The following FHIT variants were observed in gnomAD, a reference collection of about 807,000 sequenced individuals.
FHIT encodes bis(5'-adenosyl)-triphosphatase.
A neutral mutation model predicts 17.9 loss-of-function variants in FHIT; 19 were observed. That is an observed-to-expected ratio of 1.06 (90% CI 0.74 to 1.56). The LOEUF (loss-of-function observed/expected upper bound fraction) is 1.56, where lower values mean the gene tolerates loss of function less well. Among genes scored for constraint, FHIT ranks in the 40% most tolerant of loss-of-function variants. The pLI, the probability that FHIT is intolerant of heterozygous loss-of-function variation, is 0.00. For synonymous variants in FHIT, 81 were observed against 69.7 expected (o/e 1.16, Z -0.81); for missense variants, 248 against 189.2 (o/e 1.31, Z -1.82).
chr3:60,338,877 G>A (rs991971097), intron 5 of FHIT, among the ~76,000 whole-genome samples: 1 of 152,144 alleles, frequency 6.6e-6, no homozygotes, highest in African/African-American at 2.4e-5. Context: ...GGAATGGAAA[G>A]AATCAGATGG....
chr3:61,134,834 C>T (rs1576078786), intron 2 of FHIT, among the ~76,000 whole-genome samples: 1 of 152,190 alleles, frequency 6.6e-6, no homozygotes, highest in Non-Finnish European at 1.5e-5. Context: ...GCCTCCAGAA[C>T]TGTTCACCTG....
At chr3:60,945,236 T>C (rs1404612333) in intron 3 of FHIT, among the ~76,000 whole-genome samples, 1 of 151,606 alleles carries the variant, frequency 6.6e-6, no homozygotes, top group Non-Finnish European at 1.5e-5. Flanking sequence ...AATACAAAGA[T>C]GTTGAGAAGA....
At chr3:59,830,223 A>G (rs1701119182) in intron 8 of FHIT, among the ~76,000 whole-genome samples, 1 of 152,266 alleles carries the variant, frequency 6.6e-6, no homozygotes, top group South Asian at 2.1e-4. Context: ...ATCAGAAGCT[A>G]TAACAGGACA....
At chr3:59,843,642 A>T (rs1039702217) in intron 8 of FHIT, among the ~76,000 whole-genome samples, 5 of 152,116 alleles carry the variant, frequency 3.3e-5, no homozygotes, top group African/African-American at 9.7e-5. Context: ...GCTAATTCCT[A>T]AGTATTTTAT....
chr3:60,293,522 G>T lies in FHIT; in HGVS notation c.103+243338C>A, dbSNP rs372478607. ...ACGTTTTATTCATGTCACTTAATGG[G>T]GAAGGAGGTCAGGTACAGATCTGAA... On this transcript the variant is annotated intron_variant, in intron 5 of 9. Transcript: ENST00000492590. Among the ~76,000 whole-genome samples the T allele has an allele frequency of 6.6e-5, 10 of 152,242 alleles. 1 individual carries two copies. Among genetic ancestry groups the T allele is most frequent in the African/African-American group, 2.2e-4 (9 of 41,558 alleles).
chr3:61,016,023 CT>C (rs2032085942), intron 3 of FHIT, among the ~76,000 whole-genome samples: 2 of 152,208 alleles, frequency 1.3e-5, no homozygotes, highest in African/African-American at 4.8e-5. Flanking sequence ...CTTCACTAGG[CT>C]ACTCTCTTAG....
At chr3:60,600,450 A>G (rs2038407286) in intron 4 of FHIT, among the ~76,000 whole-genome samples, 1 of 152,222 alleles carries the variant, frequency 6.6e-6, no homozygotes, top group East Asian at 1.9e-4. Context: ...ACCCTGCAAG[A>G]AACTAATTTT....
intron 5 of FHIT, among the ~76,000 whole-genome samples, chr3:60,032,327 G>A (rs575825561): frequency 1.7e-4 from 26 of 152,076 alleles, no homozygotes; most frequent in East Asian, 3.9e-4. Context: ...TGGCGTGCAC[G>A]TGTGGTCTCA....
intron 5 of FHIT, among the ~76,000 whole-genome samples, chr3:60,016,175 A>G (rs1344222925): frequency 1.3e-5 from 2 of 152,226 alleles, no homozygotes; most frequent in East Asian, 3.9e-4. Context: ...ATAACCTTTA[A>G]AGAATTAAAG....
chr3:60,854,636 T>C (rs1411389371), intron 3 of FHIT, among the ~76,000 whole-genome samples: 1 of 151,238 alleles, frequency 6.6e-6, no homozygotes, highest in Non-Finnish European at 1.5e-5. Flanking sequence ...ATCTCCAAGT[T>C]TGACACATTC....
chr3:60,478,699 T>C (rs1489786487), intron 5 of FHIT, among the ~76,000 whole-genome samples: 3 of 152,184 alleles, frequency 2.0e-5, no homozygotes, highest in Non-Finnish European at 4.4e-5. Flanking sequence ...TCCCACTATA[T>C]TGCATGCTGC....
At chr3:61,062,950 A>G (rs532562106) in intron 2 of FHIT, among the ~76,000 whole-genome samples, 96 of 152,304 alleles carry the variant, frequency 6.3e-4, no homozygotes, top group South Asian at 3.5e-3. Context: ...TGATATCATT[A>G]ACACAGACTC....
intron 5 of FHIT, among the ~76,000 whole-genome samples, chr3:60,514,233 CACTT>C (rs1268441204): frequency 6.6e-6 from 1 of 152,242 alleles, no homozygotes; most frequent in Non-Finnish European, 1.5e-5. Flanking sequence ...AGCTGGCTAA[CACTT>C]AAGCTGTCTG....
chr3:60,242,044 G>C (rs1229684026), intron 5 of FHIT, among the ~76,000 whole-genome samples: 1 of 152,006 alleles, frequency 6.6e-6, no homozygotes, highest in Non-Finnish European at 1.5e-5. Flanking sequence ...TATAAAAACA[G>C]GGTGTGTATG....
intron 4 of FHIT, among the ~76,000 whole-genome samples, chr3:60,584,381 T>C (rs376964464): frequency 6.6e-6 from 1 of 151,986 alleles, no homozygotes; most frequent in South Asian, 2.1e-4. Flanking sequence ...CTCTTAGATC[T>C]GTTTTACACA....
In FHIT at chr3:60,524,197, GACACACACACACACACAC is replaced by G. The variant is rs56975783; in HGVS notation, c.103+12645_103+12662del. 6.0e-3 allele frequency among the ~76,000 whole-genome samples: 877 copies of G among 144,986 alleles called. 10 individuals carry two copies. The highest frequency in any genetic ancestry group is 8.6e-3 in the Non-Finnish European group (573 of 66,628). On this transcript the variant is annotated intron_variant, in intron 5 of 9. Transcript: ENST00000492590. ...AGAGCTCACATTCTAGTCAGCCTGAGACACACACACACACACACACACACACACACACACACACACACA... is the reference window on the plus strand; with the variant it reads ...AGAGCTCACATTCTAGTCAGCCTGAGACACACACACACACACACACACACA...
intron 4 of FHIT, among the ~76,000 whole-genome samples, chr3:60,638,268 T>G (rs1166624044): frequency 6.6e-6 from 1 of 152,142 alleles, no homozygotes; most frequent in Non-Finnish European, 1.5e-5. Context: ...TCACAGTTAA[T>G]AAAAGCAGGA....
intron 8 of FHIT, among the ~76,000 whole-genome samples, chr3:59,866,116 A>T (rs1702636574): frequency 6.6e-6 from 1 of 152,204 alleles, no homozygotes; most frequent in African/African-American, 2.4e-5. Flanking sequence ...GAGACCAGCA[A>T]GCATGATGAT....
At chr3:60,236,351 G>A (rs558804081) in intron 5 of FHIT, among the ~76,000 whole-genome samples, 2 of 150,864 alleles carry the variant, frequency 1.3e-5, no homozygotes, top group South Asian at 4.2e-4. Context: ...CTCAGAAAAT[G>A]TTGAATGAAA....
Sources: gnomAD v4.1 joint callset for allele counts (sites outside exome capture counted in the v4.1 genomes callset) on GRCh38, gnomAD v4.1.1 for gene constraint, MANE v1.5 for transcripts, NCBI Gene and HGNC (gene_info 2026-07-23, HGNC 2026-07-21) for gene names.